CSMD1: variants seen among roughly 807,000 people sequenced by gnomAD.
The protein encoded by CSMD1 is CUB and Sushi multiple domains 1, also known as CUB and sushi domain-containing protein 1.
CSMD1 carries 213 observed loss-of-function variants against 417.5 expected under a neutral mutation model. The ratio of observed to expected loss-of-function variants is 0.51; its 90% CI spans 0.46 to 0.57. The LOEUF (loss-of-function observed/expected upper bound fraction) is 0.57, where lower values mean the gene tolerates loss of function less well. Ranked by LOEUF, CSMD1 falls within the 20% of genes least tolerant of loss-of-function variation. The pLI, the probability that CSMD1 is intolerant of heterozygous loss-of-function variation, is 0.00. For synonymous variants in CSMD1, 2,862 were observed against 1,736.8 expected (o/e 1.65, Z -16.11); for missense variants, 6,923 against 4,529.7 (o/e 1.53, Z -15.17).
chr8:4,384,039 T>C (rs1803280330), intron 3 of CSMD1, among the ~76,000 whole-genome samples: 2 of 107,184 alleles, frequency 1.9e-5, no homozygotes, highest in South Asian at 3.2e-4. Flanking sequence ...AACAGATGTT[T>C]GGTCTTGTTC....
intron 5 of CSMD1, among the ~76,000 whole-genome samples, chr8:3,841,287 A>C (rs1403484186): frequency 6.6e-6 from 1 of 152,212 alleles, no homozygotes; most frequent in Non-Finnish European, 1.5e-5. Context: ...TATCTTTAAA[A>C]CTAAATTAAA....
At chr8:4,145,940 G>T (rs1382188425) in intron 3 of CSMD1, among the ~76,000 whole-genome samples, 2 of 150,882 alleles carry the variant, frequency 1.3e-5, no homozygotes, top group African/African-American at 5.0e-5. Context: ...TTGTAAGACT[G>T]ACCACGCTGT....
chr8:3,469,904 G>A (rs1290944444), intron 11 of CSMD1, among the ~76,000 whole-genome samples: 1 of 152,152 alleles, frequency 6.6e-6, no homozygotes, highest in South Asian at 2.1e-4. Flanking sequence ...ATTTGTCTTC[G>A]TTGGCAACAT....
intron 49 of CSMD1, among the ~76,000 whole-genome samples, chr8:3,085,037 T>A (rs1294286619): frequency 6.6e-6 from 1 of 152,140 alleles, no homozygotes; most frequent in Non-Finnish European, 1.5e-5. Context: ...TTTAAGTGCT[T>A]AAAATATAGA....
rs185930420 is a variant in CSMD1, at chr8:4,683,487, G to T, written c.86-45929C>A. Among the ~76,000 whole-genome samples the T allele has an allele frequency of 7.2e-5, 11 of 152,250 alleles. No individual in the cohort carries two copies. In the South Asian group the frequency reaches 2.3e-3, roughly 32 times the overall value. ...ACTCCACTCCTGCACAAGTAGAGTG[G>T]ACAACAGGGGAGGCTATCCCATCTC... On this transcript the variant is annotated intron_variant, in intron 1 of 69. Coordinates refer to ENST00000635120, the MANE Select transcript of CSMD1 (RefSeq NM_033225.6).
intron 1 of CSMD1, among the ~76,000 whole-genome samples, chr8:4,886,202 G>GCTGGTCTCAAACTCCTGACCT: frequency 6.6e-6 from 1 of 151,964 alleles, no homozygotes. Context: ...TGTTGGCCAG[G>GCTGGTCTCAAACTCCTGACCT]CTGGTCTCAA....
intron 1 of CSMD1, among the ~76,000 whole-genome samples, chr8:4,652,486 C>G (rs1490479353): frequency 2.0e-5 from 3 of 152,000 alleles, no homozygotes; most frequent in East Asian, 1.9e-4. Flanking sequence ...ACCACTGTGC[C>G]GAGCCTGCCG....
intron 51 of CSMD1, among the ~76,000 whole-genome samples, chr8:3,028,885 C>T (rs1311168090): frequency 6.6e-6 from 1 of 152,162 alleles, no homozygotes; most frequent in African/African-American, 2.4e-5. Flanking sequence ...GCTTTAACTG[C>T]TTATCTTGTA....
rs1255981393 is a variant in CSMD1 at position 4,043,670 on chromosome 8, C to G, written c.416-11571G>C. 5.9e-5 allele frequency among the ~76,000 whole-genome samples: 9 copies of G among 152,132 alleles called. No individual in the cohort carries two copies. In the East Asian group the frequency reaches 1.5e-3, roughly 26 times the overall value. ...TAGGAGTGGTGGTTCCTGGGTGAAA[C>G]CATACATTTATTTCAGTGTTCTGAA... On this transcript the variant is annotated intron_variant, in intron 3 of 69. Transcript: ENST00000635120.
chr8:4,844,077 G>C (rs1800994310), intron 1 of CSMD1, among the ~76,000 whole-genome samples: 1 of 152,130 alleles, frequency 6.6e-6, no homozygotes, highest in African/African-American at 2.4e-5. Flanking sequence ...TCTATCTTTA[G>C]GGGAAAAATA....
intron 5 of CSMD1, among the ~76,000 whole-genome samples, chr8:3,891,940 A>G (rs73495913): frequency 0.03 from 4,623 of 152,174 alleles, 148 homozygotes; most frequent in African/African-American, 0.076. Flanking sequence ...TAAGAGCAAA[A>G]TGAACATTTT....
chr8:3,959,553 A>G (rs1388501570), intron 5 of CSMD1, among the ~76,000 whole-genome samples: 1 of 152,234 alleles, frequency 6.6e-6, no homozygotes, highest in Non-Finnish European at 1.5e-5. Context: ...AGAGAGACAA[A>G]GAGTTCCCAT....
intron 5 of CSMD1, among the ~76,000 whole-genome samples, chr8:3,836,141 T>G (rs1802685108): frequency 6.6e-6 from 1 of 152,280 alleles, no homozygotes; most frequent in South Asian, 2.1e-4. Context: ...TGTGAAGTTA[T>G]TTTTTTCTTA....
intron 3 of CSMD1, among the ~76,000 whole-genome samples, chr8:4,351,949 A>ATTT (rs33935906): frequency 0.093 from 13,209 of 141,610 alleles, 802 homozygotes; most frequent in African/African-American, 0.16. Context: ...CCTTTATGCT[A>ATTT]TTTTTTTTTT....
intron 1 of CSMD1, among the ~76,000 whole-genome samples, chr8:4,993,474 C>T (rs1399395809): frequency 1.3e-5 from 2 of 151,752 alleles, no homozygotes; most frequent in African/African-American, 4.8e-5. Flanking sequence ...AAGCTATTGC[C>T]AGCCTTGAGG....
At chr8:3,441,074 C>T (rs1039850299) in intron 12 of CSMD1, among the ~76,000 whole-genome samples, 1 of 152,144 alleles carries the variant, frequency 6.6e-6, no homozygotes, top group Non-Finnish European at 1.5e-5. Context: ...GAGGAGAAAA[C>T]AGACACCAAG....
chr8:4,449,836 C>G (rs994317729), intron 2 of CSMD1, among the ~76,000 whole-genome samples: 1 of 152,170 alleles, frequency 6.6e-6, no homozygotes, highest in African/African-American at 2.4e-5. Flanking sequence ...CGTTCCCTAT[C>G]TCAGTAAATG....
chr8:3,382,826 T>C (rs996423066), intron 18 of CSMD1, among the ~76,000 whole-genome samples: 2 of 151,958 alleles, frequency 1.3e-5, no homozygotes, highest in African/African-American at 4.8e-5. Context: ...AGAATAACTT[T>C]TAGTGTGCAT....
At chr8:4,306,039 A>C (rs12056602) in intron 3 of CSMD1, among the ~76,000 whole-genome samples, 115,100 of 152,128 alleles carry the variant, frequency 0.76, 43,675 homozygotes, top group East Asian at 0.85. Flanking sequence ...TAATTATATT[A>C]AGTATGCACA....
Sources: gnomAD v4.1 joint callset for allele counts (sites outside exome capture counted in the v4.1 genomes callset) on GRCh38, gnomAD v4.1.1 for gene constraint, MANE v1.5 for transcripts, NCBI Gene and HGNC (gene_info 2026-07-23, HGNC 2026-07-21) for gene names.